The following PSMB2 variants were observed in gnomAD, a reference collection of about 807,000 sequenced individuals.
PSMB2 encodes the protein proteasome subunit beta type-2.
PSMB2 carries 13 observed loss-of-function variants against 25.7 expected under a neutral mutation model. The ratio of observed to expected loss-of-function variants is 0.51; its 90% CI spans 0.33 to 0.80. The LOEUF is 0.80. Ranked by LOEUF, PSMB2 falls within the 30% of genes least tolerant of loss-of-function variation. PSMB2 has a pLI of 0.02. For missense variants in PSMB2, 202 were observed against 259.0 expected (o/e 0.78, Z 1.51); for synonymous variants, 87 against 96.2 (o/e 0.90, Z 0.56).
chr1:35,638,041 A>G (rs1243671393), intron 1 of PSMB2, among the ~76,000 whole-genome samples: 1 of 152,178 alleles, frequency 6.6e-6, no homozygotes, highest in Non-Finnish European at 1.5e-5. Context: ...TATTTTTATA[A>G]TAAGAAAAAA....
chr1:35,628,816 A>G (rs1199122426), intron 3 of PSMB2, among the ~76,000 whole-genome samples: 1 of 151,246 alleles, frequency 6.6e-6, no homozygotes, highest in Non-Finnish European at 1.5e-5. Flanking sequence ...TTGAGAAATT[A>G]TCAGTCAAAG....
intron 3 of PSMB2, among the ~76,000 whole-genome samples, chr1:35,629,810 CAAAAAAA>C (rs111544640): frequency 1.6e-5 from 2 of 125,364 alleles, no homozygotes; most frequent in Non-Finnish European, 3.5e-5. Context: ...GACCCCGTCT[CAAAAAAA>C]AAAAGAAAAA....
At chr1:35,617,579 A>G (rs1163546666) in intron 3 of PSMB2, among the ~76,000 whole-genome samples, 1 of 152,206 alleles carries the variant, frequency 6.6e-6, no homozygotes, top group Non-Finnish European at 1.5e-5. Context: ...TTTATTTAGC[A>G]TTTATTGTAT....
In PSMB2 at chr1:35,603,329, T is replaced by C. The variant is rs1396394539; in HGVS notation, c.544A>G (p.Ile182Val). ...TCATGGATGCCATTTTTGTCAATGA[T>C]TCGAACACTGAAGGTTGGCAGATTC... ...ILNLPTFSVRIIDKNGIHDLD... is the reference protein window; with the variant it reads ...ILNLPTFSVRVIDKNGIHDLD... The change falls in exon 6 of 6, where the codon ATC (isoleucine) becomes GTC (valine). Residue 182 changes from isoleucine (I) to valine (V), a missense_variant. By Grantham distance (29) the Ile-to-Val change is conservative. Coordinates refer to ENST00000373237, the MANE Select transcript of PSMB2 (RefSeq NM_002794.5). 1.2e-6 allele frequency: 2 copies of C among 1,614,096 alleles called. No individual in the cohort carries two copies. Among genetic ancestry groups the C allele is most frequent in the Non-Finnish European group, 1.7e-6 (2 of 1,179,980 alleles).
rs1651035367 is a variant in PSMB2, at chr1:35,629,802, C to A, written c.285+1472G>T. Among the ~76,000 whole-genome samples, 3 of 151,152 alleles carry A rather than the reference C, an allele frequency of 2.0e-5. No individual in the cohort carries two copies. In the South Asian group the frequency reaches 6.3e-4, roughly 32 times the overall value. ...TCCAGCCTGGGCAACTGGAGTGAGA[C>A]CCCGTCTCAAAAAAAAAAAGAAAAA... On this transcript the variant is annotated intron_variant, in intron 3 of 5. Coordinates refer to ENST00000373237, the MANE Select transcript of PSMB2 (RefSeq NM_002794.5).
Sources: allele counts gnomAD v4.1 joint callset (sites outside exome capture counted in the v4.1 genomes callset), GRCh38; gene constraint gnomAD v4.1.1; transcripts MANE v1.5; gene names NCBI Gene and HGNC (gene_info 2026-07-23, HGNC 2026-07-21).